Variants in SEPTIN2 observed in about 807,000 individuals in gnomAD.
The protein encoded by SEPTIN2 is septin-2.
Under a neutral mutation model 46.5 loss-of-function variants are expected in SEPTIN2, and 34 were observed. That is an observed-to-expected ratio of 0.73 (90% CI 0.56 to 0.97). The LOEUF (loss-of-function observed/expected upper bound fraction) is 0.97. Among genes scored for constraint, SEPTIN2 ranks in the 50% least tolerant of loss-of-function variants. SEPTIN2 has a pLI of 0.00. For synonymous variants in SEPTIN2, 175 were observed against 153.4 expected (o/e 1.14, Z -1.04); for missense variants, 347 against 448.4 (o/e 0.77, Z 2.04).
intron 1 of SEPTIN2, chr2:241,316,219 C>T (rs1228416758): frequency 1.5e-5 from 5 of 338,370 alleles, no homozygotes; most frequent in African/African-American, 8.5e-5. Context: ...CAGGCCCGGG[C>T]GCGGGAGTGG....
At chr2:241,320,263 C>T (rs538025763) in intron 1 of SEPTIN2, 9 of 471,004 alleles carry the variant, frequency 1.9e-5, no homozygotes, top group East Asian at 6.9e-5. Flanking sequence ...TCAACTCTAA[C>T]GTCAAGTCTT....
At chr2:241,324,388 CTTT>C (rs5839771) in intron 2 of SEPTIN2, 147 bp downstream of exon 2, 44,787 of 441,376 alleles carry the variant, frequency 0.1, 59 homozygotes, top group East Asian at 0.12. Context: ...ATTTAGTTGT[CTTT>C]TTTTTTTTTT....
At chr2:241,350,749 A>G (rs2060715554) in intron 12 of SEPTIN2, among the ~76,000 whole-genome samples, 1 of 152,102 alleles carries the variant, frequency 6.6e-6, no homozygotes, top group African/African-American at 2.4e-5. Flanking sequence ...TCTGTCTGGC[A>G]TGGTGTATGC....
At chr2:241,317,571 A>T in intron 1 of SEPTIN2, 1 of 983,012 alleles carries the variant, frequency 1.0e-6, no homozygotes, top group Non-Finnish European at 1.2e-6. Context: ...GAATGGGGAC[A>T]CCAAAACTCA....
chr2:241,328,665 C>T (rs1043078575), intron 3 of SEPTIN2, among the ~76,000 whole-genome samples: 23 of 152,098 alleles, frequency 1.5e-4, no homozygotes, highest in Admixed American at 3.3e-4. Context: ...TCACTTGAAC[C>T]TAGGAGGTGG....
chr2:241,332,861 A>ACCATGTTGTATGATGC (rs2150009051), intron 3 of SEPTIN2, among the ~76,000 whole-genome samples: 1 of 152,340 alleles, frequency 6.6e-6, no homozygotes, highest in South Asian at 2.1e-4. Flanking sequence ...AAGCAGCCAG[A>ACCATGTTGTATGATGC]CACAAAACAG....
In SEPTIN2 at chr2:241,353,883, C is replaced by G. The variant is rs9053; in HGVS notation, c.*1946C>G. On this transcript the variant is annotated 3_prime_UTR_variant, in exon 13 of 13. Coordinates refer to ENST00000391971, the MANE Select transcript of SEPTIN2 (RefSeq NM_004404.5). ...TTTACTACCCAAATCTAAATAGATA[C>G]TTTTGATAATAGATAACTGCTCTTT... is the stretch of plus-strand genomic sequence containing the variant. 3.8e-3 allele frequency: 589 copies of G among 153,166 alleles called. 4 individuals carry two copies. Among genetic ancestry groups the G allele is most frequent in the Non-Finnish European group, 6.6e-3 (452 of 68,030 alleles). The allele number at this position is 153,166 out of a possible 1,614,324, so 9.5% of individuals were successfully genotyped here.
intron 10 of SEPTIN2, among the ~76,000 whole-genome samples, chr2:241,347,826 C>T (rs2150195675): frequency 6.6e-6 from 1 of 152,160 alleles, no homozygotes; most frequent in East Asian, 1.9e-4. Flanking sequence ...CCAGCCTGGC[C>T]AACGTGGCAA....
intron 5 of SEPTIN2, chr2:241,336,311 A>G (rs573093010): frequency 3.6e-6 from 2 of 557,114 alleles, no homozygotes; most frequent in Admixed American, 6.7e-5. Context: ...TGAGATCGCA[A>G]AGCCAGTCAT....
intron 4 of SEPTIN2, 103 bp from the exon 5 acceptor site, chr2:241,335,872 C>G: frequency 2.1e-6 from 3 of 1,450,580 alleles, no homozygotes; most frequent in Non-Finnish European, 2.9e-6. Flanking sequence ...GAGAACCTAC[C>G]TCTGTAGAGA....
At chr2:241,343,371 C>T (rs937553185) in intron 8 of SEPTIN2, among the ~76,000 whole-genome samples, 4 of 151,964 alleles carry the variant, frequency 2.6e-5, no homozygotes, top group African/African-American at 9.7e-5. Flanking sequence ...TGGTGGTGCA[C>T]ACCTGTAGTC....
chr2:241,345,303 T>C (rs2081862703), intron 9 of SEPTIN2, among the ~76,000 whole-genome samples: 2 of 152,238 alleles, frequency 1.3e-5, no homozygotes, highest in Admixed American at 1.3e-4. Context: ...CATGTTACCA[T>C]CCAAGCTGTG....
chr2:241,330,223 C>CT (rs776603837), intron 3 of SEPTIN2, among the ~76,000 whole-genome samples: 10 of 152,206 alleles, frequency 6.6e-5, no homozygotes, highest in Non-Finnish European at 1.5e-4. Context: ...AAAAAATCAC[C>CT]ATGCCATACA....
chr2:241,344,411 T>C (rs536337066), intron 9 of SEPTIN2, among the ~76,000 whole-genome samples: 19 of 152,230 alleles, frequency 1.2e-4, no homozygotes, highest in African/African-American at 3.9e-4. Context: ...TAAAAATGAA[T>C]TTCATGGCTG....
chr2:241,346,337 A>G, intron 10 of SEPTIN2, 88 bp downstream of exon 10: 1 of 916,436 alleles, frequency 1.1e-6, no homozygotes, highest in East Asian at 2.6e-5. Flanking sequence ...AGCCTTCTTG[A>G]CCATTAAGCA....
intron 7 of SEPTIN2, 82 bp downstream of exon 7, chr2:241,337,872 C>CA: frequency 1.1e-6 from 1 of 940,576 alleles, no homozygotes; most frequent in South Asian, 1.5e-5. Flanking sequence ...TTCCCACGCT[C>CA]AGTCTGCTCA....
chr2:241,337,901 G>A (rs533382882), intron 7 of SEPTIN2, 111 bp downstream of exon 7: 10 of 639,670 alleles, frequency 1.6e-5, no homozygotes, highest in East Asian at 1.5e-4. Context: ...GAGGCAGGGC[G>A]GGAGAATTTT....
chr2:241,342,039 C>T (rs2081319505), intron 7 of SEPTIN2, among the ~76,000 whole-genome samples: 1 of 152,204 alleles, frequency 6.6e-6, no homozygotes, highest in Non-Finnish European at 1.5e-5. Flanking sequence ...TGTGGGATTT[C>T]ACTGCTGACT....
chr2:241,318,519 G>C (rs1420914292), intron 1 of SEPTIN2, among the ~76,000 whole-genome samples: 1 of 152,030 alleles, frequency 6.6e-6, no homozygotes, highest in Non-Finnish European at 1.5e-5. Flanking sequence ...ATTTATGTAG[G>C]ACCTGTTTTC....
Sources: gnomAD v4.1 joint callset for allele counts (sites outside exome capture counted in the v4.1 genomes callset) on GRCh38, gnomAD v4.1.1 for gene constraint, MANE v1.5 for transcripts, NCBI Gene and HGNC (gene_info 2026-07-23, HGNC 2026-07-21) for gene names.